The following RTL4 variants were observed in gnomAD, a reference collection of about 807,000 sequenced individuals.
The protein encoded by RTL4 is retrotransposon Gag like 4, also known as retrotransposon Gag-like protein 4.
In RTL4, 4 loss-of-function variants were observed where a neutral mutation model predicts 5.3. The ratio of observed to expected loss-of-function variants is 0.75; its 90% CI spans 0.37 to 1.72. The LOEUF is 1.72. RTL4 is among the 40% of genes most tolerant of loss of function. The probability of loss-of-function intolerance (pLI) is 0.04; values close to 1 mark genes in which losing one functional copy is unlikely to be tolerated. For missense variants in RTL4, 260 were observed against 227.1 expected, an observed-to-expected ratio of 1.14 and a Z score of -0.93; for synonymous variants, 98 against 87.3, an observed-to-expected ratio of 1.12 and a Z score of -0.68.
chrX:112,166,642 A>C, the RTL4 span, among the ~76,000 whole-genome samples: 1 of 111,973 alleles, frequency 8.9e-6, no homozygotes, highest in Non-Finnish European at 1.9e-5. Context: ...CCTGTGCTTG[A>C]AAGTACTTTG....
chrX:112,216,035 G>T, the RTL4 span, among the ~76,000 whole-genome samples: 4 of 111,566 alleles, frequency 3.6e-5, no homozygotes, highest in Non-Finnish European at 7.5e-5. Flanking sequence ...TTTCCTTTAT[G>T]TTAAGGGATG....
the RTL4 span, among the ~76,000 whole-genome samples, chrX:112,254,103 A>G: frequency 1.8e-5 from 2 of 111,534 alleles, no homozygotes; most frequent in African/African-American, 6.5e-5. Context: ...CCTACTCAGT[A>G]GACACATTTT....
At chrX:112,292,360 T>C in the RTL4 span, among the ~76,000 whole-genome samples, 1 of 111,713 alleles carries the variant, frequency 9.0e-6, no homozygotes, top group Non-Finnish European at 1.9e-5. Context: ...AAACTACCTG[T>C]GGTCCAGTAT....
chrX:112,274,118 A>G, the RTL4 span, among the ~76,000 whole-genome samples: 4 of 111,996 alleles, frequency 3.6e-5, no homozygotes, highest in African/African-American at 6.5e-5. Context: ...AATAACTCCA[A>G]TCAGGTCTGT....
chrX:112,298,109 C>T, the RTL4 span, among the ~76,000 whole-genome samples: 9 of 111,659 alleles, frequency 8.1e-5, no homozygotes, highest in South Asian at 3.8e-4. Flanking sequence ...CATTTACTTT[C>T]GGTTCGACTT....
chrX:112,105,175 G>A, the RTL4 span, among the ~76,000 whole-genome samples: 1 of 111,653 alleles, frequency 9.0e-6, no homozygotes, highest in East Asian at 2.8e-4. Flanking sequence ...ATGCTTGGTA[G>A]TTTTGTCCAA....
chrX:112,175,447 G>T, the RTL4 span, among the ~76,000 whole-genome samples: 4 of 110,218 alleles, frequency 3.6e-5, no homozygotes, highest in African/African-American at 6.6e-5. Flanking sequence ...ATATCTCTGT[G>T]TTTGTACCAG....
At chrX:112,181,340 T>G in the RTL4 span, among the ~76,000 whole-genome samples, 1 of 111,122 alleles carries the variant, frequency 9.0e-6, no homozygotes, top group African/African-American at 3.3e-5. Flanking sequence ...AACTGTTCAC[T>G]CCCCTGAAAA....
chrX:112,400,780 A>T, the RTL4 span, among the ~76,000 whole-genome samples: 1 of 111,993 alleles, frequency 8.9e-6, no homozygotes, highest in African/African-American at 3.2e-5. Context: ...TCCATTACTA[A>T]GGTAAGTACT....
exon 1 of RTL4, chrX:112,455,431 T>C (rs770846681): frequency 1.2e-5 from 14 of 1,209,072 alleles, no homozygotes; most frequent in Non-Finnish European, 1.6e-5. Flanking sequence ...GCTCCCATTG[T>C]TGGCTTCCTT....
the RTL4 span, among the ~76,000 whole-genome samples, chrX:112,143,709 AC>A: frequency 8.9e-6 from 1 of 111,827 alleles, no homozygotes; most frequent in African/African-American, 3.3e-5. Context: ...CTATAGAATC[AC>A]CTAAAAGCCT....
the RTL4 span, among the ~76,000 whole-genome samples, chrX:112,440,465 G>T: frequency 1.8e-4 from 20 of 111,453 alleles, no homozygotes; most frequent in African/African-American, 6.5e-4. Context: ...GTGTGAAGAT[G>T]AATAAAAGAT....
the RTL4 span, among the ~76,000 whole-genome samples, chrX:112,090,280 T>C: frequency 1.8e-5 from 2 of 110,949 alleles, no homozygotes; most frequent in African/African-American, 3.3e-5. Context: ...TCCAGTACCA[T>C]GTTAAATAGG....
At chrX:112,160,750 C>T in the RTL4 span, among the ~76,000 whole-genome samples, 1 of 111,009 alleles carries the variant, frequency 9.0e-6, no homozygotes, top group Non-Finnish European at 1.9e-5. Context: ...GAAGGCAAAA[C>T]TTCAAAATGT....
the RTL4 span, among the ~76,000 whole-genome samples, chrX:112,160,453 G>A: frequency 1.8e-5 from 2 of 111,935 alleles, no homozygotes; most frequent in African/African-American, 3.2e-5. Context: ...CAAGCAATGC[G>A]CTTAGCATTG....
chrX:112,197,609 G>A, the RTL4 span, among the ~76,000 whole-genome samples: 1 of 111,179 alleles, frequency 9.0e-6, no homozygotes, highest in Non-Finnish European at 1.9e-5. Flanking sequence ...GCTTTTGGAG[G>A]GCCTTTTTTT....
the RTL4 span, among the ~76,000 whole-genome samples, chrX:112,120,132 G>A: frequency 8.9e-6 from 1 of 111,815 alleles, no homozygotes; most frequent in African/African-American, 3.3e-5. Context: ...GCAAAGTTGT[G>A]GTCTTCTTTT....
the RTL4 span, among the ~76,000 whole-genome samples, chrX:112,263,932 G>A: frequency 4.1e-3 from 455 of 111,836 alleles, 5 homozygotes; most frequent in African/African-American, 0.014. Flanking sequence ...GGAAGAGAGA[G>A]GAGTTTAAGG....
chrX:112,090,804 G>C, the RTL4 span, among the ~76,000 whole-genome samples: 1 of 110,916 alleles, frequency 9.0e-6, no homozygotes, highest in Non-Finnish European at 1.9e-5. Flanking sequence ...AATTTTTTTA[G>C]AAGATTTAGA....
Sources: gnomAD v4.1 joint callset for allele counts (sites outside exome capture counted in the v4.1 genomes callset) on GRCh38, gnomAD v4.1.1 for gene constraint, MANE v1.5 for transcripts, NCBI Gene and HGNC (gene_info 2026-07-23, HGNC 2026-07-21) for gene names.